Variants in PTPRG observed in about 807,000 individuals in gnomAD.
PTPRG encodes protein tyrosine phosphatase receptor type G, also known as receptor-type tyrosine-protein phosphatase gamma.
In PTPRG, 102 loss-of-function variants were observed where a neutral mutation model predicts 165.3. The ratio of observed to expected loss-of-function variants is 0.62; its 90% CI spans 0.53 to 0.73. The LOEUF (loss-of-function observed/expected upper bound fraction) is 0.73. Among genes scored for constraint, PTPRG ranks in the 30% least tolerant of loss-of-function variants. The pLI is 0.00. For missense variants in PTPRG, 1,866 were observed against 1,861.4 expected (o/e 1.00, Z -0.05); for synonymous variants, 675 against 669.5 (o/e 1.01, Z -0.13).
chr3:62,045,358 T>C (rs1700255062), intron 4 of PTPRG, among the ~76,000 whole-genome samples: 1 of 152,182 alleles, frequency 6.6e-6, no homozygotes, highest in African/African-American at 2.4e-5. Context: ...GAAATTTAAA[T>C]TTACCCACTT....
intron 2 of PTPRG, among the ~76,000 whole-genome samples, chr3:61,767,692 G>T (rs946270382): frequency 2.7e-4 from 41 of 152,210 alleles, no homozygotes; most frequent in African/African-American, 9.6e-4. Flanking sequence ...TATTTGGCTG[G>T]GCATAATGGC....
intron 2 of PTPRG, among the ~76,000 whole-genome samples, chr3:61,916,778 A>G (rs957432109): frequency 6.6e-6 from 1 of 152,236 alleles, no homozygotes; most frequent in South Asian, 2.1e-4. Context: ...ACACTGAGGT[A>G]TAGGAATATT....
At chr3:61,619,491 A>G (rs944601806) in intron 1 of PTPRG, among the ~76,000 whole-genome samples, 1 of 152,220 alleles carries the variant, frequency 6.6e-6, no homozygotes, top group South Asian at 2.1e-4. Context: ...CTGGGCATCC[A>G]GTAGTGCACA....
At chr3:61,776,630 C>G (rs1370178207) in intron 2 of PTPRG, among the ~76,000 whole-genome samples, 1 of 152,026 alleles carries the variant, frequency 6.6e-6, no homozygotes, top group Non-Finnish European at 1.5e-5. Flanking sequence ...GAAATTCTAT[C>G]CTTTTAACTG....
Position 62,214,572 on chromosome 3 carries a change from C to T in PTPRG, c.2156-4279C>T, listed in dbSNP as rs1034859287. 3.4e-4 allele frequency among the ~76,000 whole-genome samples: 52 copies of T among 152,226 alleles called. No homozygotes were observed. Among genetic ancestry groups the T allele is most frequent in the Admixed American group, 3.9e-4 (6 of 15,300 alleles). Reference sequence around the variant, plus strand: ...TTGTAACTGTTCTTCCATACACAGACGGAAATCAGCCCTGCCTTTGGGGAC... The same window carrying T: ...TTGTAACTGTTCTTCCATACACAGATGGAAATCAGCCCTGCCTTTGGGGAC... On this transcript the variant is annotated intron_variant, in intron 12 of 29. Coordinates refer to ENST00000474889, the MANE Select transcript of PTPRG (RefSeq NM_002841.4). The surrounding 1 kb of genome is among the most constrained non-coding windows in gnomAD (Gnocchi z 5.2).
At chr3:62,212,389 T>C (rs1036248158) in intron 12 of PTPRG, among the ~76,000 whole-genome samples, 13 of 152,198 alleles carry the variant, frequency 8.5e-5, no homozygotes, top group African/African-American at 3.1e-4. Flanking sequence ...GGCCTAAAAA[T>C]AAAATCTCTT....
chr3:61,765,615 C>T (rs1339506867), intron 2 of PTPRG, among the ~76,000 whole-genome samples: 1 of 152,136 alleles, frequency 6.6e-6, no homozygotes, highest in Non-Finnish European at 1.5e-5. Flanking sequence ...TAAATGATCA[C>T]TTTTCACTAA....
Position 61,646,913 on chromosome 3 carries a change from G to A in PTPRG, c.85+84541G>A, listed in dbSNP as rs192557472. Among the ~76,000 whole-genome samples the A allele has an allele frequency of 1.2e-4, 18 of 152,318 alleles. No individual in the cohort carries two copies. In the East Asian group the frequency reaches 2.3e-3, roughly 20 times the overall value. ...TTGGTGCTGGCTTGCTTTACTCAGT[G>A]TAGCTCCCCAGACCCATCCAAGTTG... On this transcript the variant is annotated intron_variant, in intron 1 of 29. Coordinates refer to ENST00000474889, the MANE Select transcript of PTPRG (RefSeq NM_002841.4).
Position 61,829,611 on chromosome 3 carries a change from A to T in PTPRG, c.190+80629A>T, listed in dbSNP as rs1040559956. Among the ~76,000 whole-genome samples the T allele has an allele frequency of 3.9e-5, 6 of 152,226 alleles. No homozygotes were observed. The East Asian group carries it at 7.7e-4, about 20-fold the overall frequency. Reference sequence around the variant, plus strand: ...TGGATTTGATGCGACTACAGTTTGGATGAAATCACATGACAGGTTGTCAGG... The same window carrying T: ...TGGATTTGATGCGACTACAGTTTGGTTGAAATCACATGACAGGTTGTCAGG... On this transcript the variant is annotated intron_variant, in intron 2 of 29. Coordinates refer to ENST00000474889, the MANE Select transcript of PTPRG (RefSeq NM_002841.4).
chr3:61,860,077 C>A (rs1003615161), intron 2 of PTPRG, among the ~76,000 whole-genome samples: 1 of 152,148 alleles, frequency 6.6e-6, no homozygotes, highest in African/African-American at 2.4e-5. Flanking sequence ...GTACACCAAT[C>A]CATAAAATCA....
At chr3:61,775,941 G>A (rs1001545620) in intron 2 of PTPRG, among the ~76,000 whole-genome samples, 4 of 149,888 alleles carry the variant, frequency 2.7e-5, no homozygotes, top group Non-Finnish European at 5.9e-5. Context: ...GTAGGGGGAG[G>A]GGGGAGGGAT....
chr3:61,620,141 T>TC (rs1701411344), intron 1 of PTPRG, among the ~76,000 whole-genome samples: 1 of 152,122 alleles, frequency 6.6e-6, no homozygotes, highest in African/African-American at 2.4e-5. Flanking sequence ...ATTTTTTTTT[T>TC]CCCTGCCCTA....
At chr3:61,868,425 C>T (rs2037470581) in intron 2 of PTPRG, among the ~76,000 whole-genome samples, 1 of 152,180 alleles carries the variant, frequency 6.6e-6, no homozygotes, top group Non-Finnish European at 1.5e-5. Context: ...TGCCCTCTGC[C>T]CCCTGCCCCC....
At chr3:61,992,149 C>T (rs867900172) in intron 3 of PTPRG, among the ~76,000 whole-genome samples, 1 of 151,982 alleles carries the variant, frequency 6.6e-6, no homozygotes, top group Non-Finnish European at 1.5e-5. Flanking sequence ...ATTAGATAGG[C>T]CAATATATTG....
chr3:61,657,525 A>C (rs911312794), intron 1 of PTPRG, among the ~76,000 whole-genome samples: 5 of 152,154 alleles, frequency 3.3e-5, no homozygotes, highest in African/African-American at 1.2e-4. Flanking sequence ...CTGTAGTCCC[A>C]CTACTCAGGA....
chr3:61,672,767 G>GGGAGAGGGAGAGGGA, intron 1 of PTPRG, among the ~76,000 whole-genome samples: 1 of 144,840 alleles, frequency 6.9e-6, no homozygotes, highest in Non-Finnish European at 1.5e-5. Context: ...AGGGAGAAGA[G>GGGAGAGGGAGAGGGA]GGAGAGGGAG....
intron 1 of PTPRG, among the ~76,000 whole-genome samples, chr3:61,565,441 C>T (rs2106756812): frequency 6.6e-6 from 1 of 152,296 alleles, no homozygotes; most frequent in Non-Finnish European, 1.5e-5. Flanking sequence ...CTTCTCTCAT[C>T]TCTTCCTCCC....
At chr3:61,697,191 G>A (rs1040316783) in intron 1 of PTPRG, among the ~76,000 whole-genome samples, 3 of 152,092 alleles carry the variant, frequency 2.0e-5, no homozygotes, top group African/African-American at 4.8e-5. Flanking sequence ...TTCCAGAGGC[G>A]CCTCCCTCTA....
intron 2 of PTPRG, among the ~76,000 whole-genome samples, chr3:61,843,593 A>G (rs554924981): frequency 6.6e-6 from 1 of 152,180 alleles, no homozygotes; most frequent in Non-Finnish European, 1.5e-5. Flanking sequence ...GGCAGTTCCT[A>G]GATTCTACAG....
Sources: gnomAD v4.1 joint callset for allele counts (sites outside exome capture counted in the v4.1 genomes callset) on GRCh38, gnomAD v4.1.1 for gene constraint, Gnocchi (gnomAD v3.1) non-coding constraint, MANE v1.5 for transcripts, NCBI Gene and HGNC (gene_info 2026-07-23, HGNC 2026-07-21) for gene names.